Variants in GALNT18 observed in about 807,000 individuals in gnomAD.
The protein encoded by GALNT18 is GalNAc-transferase 18.
Under a neutral mutation model 69.5 loss-of-function variants are expected in GALNT18, and 44 were observed. That is an observed-to-expected ratio of 0.63 (90% CI 0.50 to 0.81). The LOEUF (loss-of-function observed/expected upper bound fraction) is 0.81, where lower values mean the gene tolerates loss of function less well. GALNT18 is among the 40% of genes least tolerant of loss of function. GALNT18 has a pLI of 0.00. For synonymous variants in GALNT18, 364 were observed against 318.2 expected, an observed-to-expected ratio of 1.14 and a Z score of -1.53; for missense variants, 715 against 810.0, an observed-to-expected ratio of 0.88 and a Z score of 1.42.
rs1564919261 is a variant in GALNT18 at position 11,378,974 on chromosome 11, C to T, written c.779+107G>A. 3 of 1,065,854 alleles carry T rather than the reference C, an allele frequency of 2.8e-6. No homozygotes were observed. In the South Asian group the frequency reaches 5.1e-5, roughly 18 times the overall value. The allele number at this position is 1,065,854 out of a possible 1,614,324, so 66.0% of individuals were successfully genotyped here. A position where few individuals can be genotyped will look rare whatever the true frequency, so the allele number is the denominator to read the frequency against. On this transcript the variant is annotated intron_variant, in intron 4 of 10. Transcript: ENST00000227756. ...TACATCTCACCTATTCCCAGAATTA[C>T]CTCTTTTCCCTTAGGCTATGACCAA...
Position 11,616,395 on chromosome 11 carries a change from A to G in GALNT18, c.235+4964T>C, listed in dbSNP as rs1335054568. Reference sequence around the variant, plus strand: ...GAAAGCCTTTCCTTCTGAAAAAACAATCTTTCATAAAAATGTTCAGACTCT... The same window carrying G: ...GAAAGCCTTTCCTTCTGAAAAAACAGTCTTTCATAAAAATGTTCAGACTCT... On this transcript the variant is annotated intron_variant, in intron 1 of 10. Transcript: ENST00000227756. This position sits in a 1 kb window ranked among gnomAD's most constrained non-coding sequence, Gnocchi z 4.4. Among the ~76,000 whole-genome samples the G allele has an allele frequency of 6.6e-6, 1 of 152,186 alleles. No homozygotes were observed. Among genetic ancestry groups the G allele is most frequent in the Non-Finnish European group, 1.5e-5 (1 of 68,028 alleles).
chr11:11,520,833 A>G (rs981955010), intron 1 of GALNT18, among the ~76,000 whole-genome samples: 6 of 152,190 alleles, frequency 3.9e-5, no homozygotes, highest in Admixed American at 3.9e-4. Flanking sequence ...CAGGCAAGGC[A>G]GTCCCCTCAG....
At chr11:11,455,319 C>T (rs1008925503) in intron 1 of GALNT18, among the ~76,000 whole-genome samples, 3 of 152,072 alleles carry the variant, frequency 2.0e-5, no homozygotes, top group African/African-American at 7.2e-5. Context: ...AAACAATGCT[C>T]TGATCAAGGG....
intron 10 of GALNT18, among the ~76,000 whole-genome samples, chr11:11,281,078 G>T (rs1849062900): frequency 6.6e-6 from 1 of 152,200 alleles, no homozygotes; most frequent in Non-Finnish European, 1.5e-5. Context: ...CCCCACCGCA[G>T]TCCTGCCAGC....
At chr11:11,545,137 T>A (rs1858018397) in intron 1 of GALNT18, among the ~76,000 whole-genome samples, 1 of 152,126 alleles carries the variant, frequency 6.6e-6, no homozygotes, top group Non-Finnish European at 1.5e-5. Flanking sequence ...GCTCAGAGAG[T>A]TAAAGTAACT....
At position 11,436,365 on chromosome 11, in the gene GALNT18, C is replaced by T. The variant is rs1855402923; in HGVS notation, c.429-3578G>A. On this transcript the variant is annotated intron_variant, in intron 2 of 10. Coordinates refer to ENST00000227756, the MANE Select transcript of GALNT18 (RefSeq NM_198516.3). The surrounding 1 kb of genome is among the most constrained non-coding windows in gnomAD (Gnocchi z 4.5). ...CCCAACCCACAAATGCCACAGGACACATCCCCTTGCCACCATCGTGACTAT... is the reference window on the plus strand; with the variant it reads ...CCCAACCCACAAATGCCACAGGACATATCCCCTTGCCACCATCGTGACTAT... 1.3e-5 allele frequency among the ~76,000 whole-genome samples: 2 copies of T among 151,646 alleles called. No homozygotes were observed. Among genetic ancestry groups the T allele is most frequent in the Admixed American group, 1.3e-4 (2 of 15,242 alleles).
chr11:11,360,992 A>AG (rs1402379747), intron 6 of GALNT18, among the ~76,000 whole-genome samples: 1 of 152,146 alleles, frequency 6.6e-6, no homozygotes, highest in Admixed American at 6.6e-5. Flanking sequence ...AAATGGAGGG[A>AG]GGGGTCAAAC....
At chr11:11,611,248 CA>C (rs1859893247) in intron 1 of GALNT18, among the ~76,000 whole-genome samples, 2 of 152,130 alleles carry the variant, frequency 1.3e-5, no homozygotes, top group Non-Finnish European at 2.9e-5. Flanking sequence ...GTTTTGTGCC[CA>C]AACCACTTTA....
Position 11,505,777 on chromosome 11 carries a change from C to A in GALNT18, c.236-56841G>T, listed in dbSNP as rs1040839948. Reference sequence around the variant, plus strand: ...CTGCTCTCTCTCCTTCATTTGCATGCCTTCAAGTTCTGTCTATGCTTTCTT... The same window carrying A: ...CTGCTCTCTCTCCTTCATTTGCATGACTTCAAGTTCTGTCTATGCTTTCTT... On this transcript the variant is annotated intron_variant, in intron 1 of 10. Transcript: ENST00000227756. The surrounding 1 kb of genome is among the most constrained non-coding windows in gnomAD (Gnocchi z 4.6). Among the ~76,000 whole-genome samples the A allele has an allele frequency of 6.6e-6, 1 of 152,172 alleles. No individual in the cohort carries two copies. The highest frequency in any genetic ancestry group is 2.4e-5 in the African/African-American group (1 of 41,438).
chr11:11,318,176 AGG>A lies in GALNT18; in HGVS notation c.1512+8908_1512+8909del, dbSNP rs769151102. Among the ~76,000 whole-genome samples, 19 of 152,334 alleles carry A rather than the reference AGG, an allele frequency of 1.2e-4. No individual in the cohort carries two copies. The highest frequency in any genetic ancestry group is 3.4e-3 in the Middle Eastern group (1 of 294). ...CTTTTTGGCCTAGAAAGTGAGAGTC[AGG>A]TTTCCATTTCCACTCTTCCCATTTG... On this transcript the variant is annotated intron_variant, in intron 9 of 10. Coordinates refer to ENST00000227756, the MANE Select transcript of GALNT18 (RefSeq NM_198516.3). This position sits in a 1 kb window ranked among gnomAD's most constrained non-coding sequence, Gnocchi z 5.1.
At position 11,448,802 on chromosome 11, in the gene GALNT18, C is replaced by T. The variant is rs1265697297; in HGVS notation, c.370G>A (p.Ala124Thr). 5 of 1,612,824 alleles carry T rather than the reference C, an allele frequency of 3.1e-6. No individual in the cohort carries two copies. Among genetic ancestry groups the T allele is most frequent in the African/African-American group, 2.7e-5 (2 of 75,064 alleles). ...AGGGGCAGGCGGTCGCTGAGGTAGG[C>T]GTTGTAGCCGTAGTACTGGAATTGC... ...LKQFQYYGYN[A>T]YLSDRLPLDR... Residue 124 changes from alanine (A) to threonine (T), a missense_variant, in exon 2 of 11, where the codon GCC becomes ACC. Physicochemically the swap from Ala to Thr is moderately conservative, Grantham distance 58. Coordinates refer to ENST00000227756, the MANE Select transcript of GALNT18 (RefSeq NM_198516.3).
In GALNT18 at chr11:11,279,345, TA is replaced by T. The variant is rs200938135; in HGVS notation, c.1678-8056del. Among the ~76,000 whole-genome samples, 254 of 151,704 alleles carry T rather than the reference TA, an allele frequency of 1.7e-3. 2 individuals are homozygous for T. Among genetic ancestry groups the T allele is most frequent in the Middle Eastern group, 3.4e-3 (1 of 292 alleles). ...AAAATTTCTTAAAAAAATTTAAGAC[TA>T]AAAAAAAACTTCAGTTCTTACAACT... On this transcript the variant is annotated intron_variant, in intron 10 of 10. Transcript: ENST00000227756.
At chr11:11,353,300 G>A in intron 6 of GALNT18, 6 of 696,966 alleles carry the variant, frequency 8.6e-6, no homozygotes, top group South Asian at 3.9e-5. Flanking sequence ...CGGCGATGGA[G>A]TGGGGAGCAA....
Position 11,293,211 on chromosome 11 carries a change from G to C in GALNT18, c.1513-18C>G, listed in dbSNP as rs762703454. 1 of 1,317,326 alleles carries C rather than the reference G, an allele frequency of 7.6e-7. No individual in the cohort carries two copies. Among genetic ancestry groups the C allele is most frequent in the South Asian group, 3.0e-5 (1 of 33,210 alleles). 81.6% of individuals were successfully genotyped at this position (1,317,326 alleles called of 1,614,324 possible). A position where few individuals can be genotyped will look rare whatever the true frequency, so the allele number is the denominator to read the frequency against. On this transcript the variant is annotated intron_variant, in intron 9 of 10. Transcript: ENST00000227756. The stretch of plus-strand genomic sequence containing the variant: ...TACACGTTCTGGGGGCGGAGGGAGG[G>C]AGAGAGTGTGGATAAATGCCAATGG...
In GALNT18 at chr11:11,432,463, AC is replaced by A. The variant is rs1380757921; in HGVS notation, c.595+157del. Among the ~76,000 whole-genome samples the A allele has an allele frequency of 6.6e-6, 1 of 152,204 alleles. No homozygotes were observed. Among genetic ancestry groups the A allele is most frequent in the Non-Finnish European group, 1.5e-5 (1 of 68,030 alleles). On this transcript the variant is annotated intron_variant, in intron 3 of 10. Coordinates refer to ENST00000227756, the MANE Select transcript of GALNT18 (RefSeq NM_198516.3). This position sits in a 1 kb window ranked among gnomAD's most constrained non-coding sequence, Gnocchi z 5.8. ...CAGAGGCCATGCTCAGACGGAGTGA[AC>A]CTTCTGAAGCAGTGGCCACCATGAA...
chr11:11,602,571 C>T lies in GALNT18; in HGVS notation c.235+18788G>A, dbSNP rs1016456602. ...CAAATGTCCCAGACTCTTGTTATTA[C>T]TAAAATTTAGTAGATTTTCTTGAAT... On this transcript the variant is annotated intron_variant, in intron 1 of 10. Coordinates refer to ENST00000227756, the MANE Select transcript of GALNT18 (RefSeq NM_198516.3). The surrounding 1 kb of genome is among the most constrained non-coding windows in gnomAD (Gnocchi z 4.7). Among the ~76,000 whole-genome samples, 29 of 152,182 alleles carry T rather than the reference C, an allele frequency of 1.9e-4. No homozygotes were observed. Among genetic ancestry groups the T allele is most frequent in the Non-Finnish European group, 3.4e-4 (23 of 68,028 alleles).
chr11:11,319,744 A>G (rs1204395233), intron 9 of GALNT18, among the ~76,000 whole-genome samples: 2 of 152,224 alleles, frequency 1.3e-5, no homozygotes, highest in Non-Finnish European at 2.9e-5. Context: ...GAGTTTCCTC[A>G]TGCTCAGCCA....
At chr11:11,530,537 C>T (rs547889644) in intron 1 of GALNT18, among the ~76,000 whole-genome samples, 114 of 152,286 alleles carry the variant, frequency 7.5e-4, no homozygotes, top group Non-Finnish European at 1.4e-3. Context: ...GGAAGTCCAT[C>T]GGACCCAAAC....
chr11:11,286,330 GTTTATGCCGTAAC>G (rs1849193455), intron 10 of GALNT18, among the ~76,000 whole-genome samples: 1 of 152,196 alleles, frequency 6.6e-6, no homozygotes, highest in Non-Finnish European at 1.5e-5. Context: ...AGAAGTGCGT[GTTTATGCCGTAAC>G]TTTGAGTATC....
Sources: allele counts gnomAD v4.1 joint callset (sites outside exome capture counted in the v4.1 genomes callset), GRCh38; gene constraint gnomAD v4.1.1; non-coding constraint Gnocchi (gnomAD v3.1); transcripts MANE v1.5; gene names NCBI Gene and HGNC (gene_info 2026-07-23, HGNC 2026-07-21).